Variants in FXR2 observed in about 807,000 individuals in gnomAD.
FXR2 encodes FMR1 autosomal homolog 2, also known as RNA-binding protein FXR2.
In FXR2, 9 loss-of-function variants were observed where a neutral mutation model predicts 87.3. That is an observed-to-expected ratio of 0.10 (90% CI 0.06 to 0.18). The LOEUF is 0.18. FXR2 is among the 10% of genes least tolerant of loss of function. The pLI, the probability that FXR2 is intolerant of heterozygous loss-of-function variation, is 1.00. For missense variants in FXR2, 661 were observed against 893.6 expected, an observed-to-expected ratio of 0.74 and a Z score of 3.32; for synonymous variants, 331 against 328.3, an observed-to-expected ratio of 1.01 and a Z score of -0.09.
At chr17:7,613,828 G>A (rs1442899656) in intron 1 of FXR2, 2 of 346,904 alleles carry the variant, frequency 5.8e-6, no homozygotes, top group Non-Finnish European at 1.1e-5. Flanking sequence ...TGCGAAAGAT[G>A]CCACCTTATG....
Position 7,603,787 on chromosome 17 carries a change from G to A in FXR2, c.419C>T (p.Thr140Ile). The change falls in exon 5 of 17, where the codon ACC (threonine) becomes ATC (isoleucine). Residue 140 changes from threonine to isoleucine, a missense_variant. Physicochemically the swap from Thr to Ile is moderately conservative, Grantham distance 89 (BLOSUM62 -1). Around this residue, in one of 3 missense-constraint regions of FXR2, gnomAD observed 170 missense variants for 247.2 expected, o/e 0.69. Transcript: ENST00000250113. ...LATKGSFFKV[T>I]MAVPEDLREA... ...TCTCAGATCCTCGGGCACAGCCATG[G>A]TAACCTTGAAGAAGCTGCCTTTGGT... The A allele has an allele frequency of 6.2e-7, 1 of 1,613,954 alleles. No homozygotes were observed. The highest frequency in any genetic ancestry group is 8.5e-7 in the Non-Finnish European group (1 of 1,179,880).
rs2150940020 is a variant in FXR2 at position 7,593,039 on chromosome 17, T to C, written c.1473A>G (p.Gly491=). The C allele has an allele frequency of 6.4e-7, 1 of 1,573,856 alleles. No individual in the cohort carries two copies. The highest frequency in any genetic ancestry group is 8.6e-7 in the Non-Finnish European group (1 of 1,163,524). Residue 491 remains glycine, a synonymous_variant, in exon 13 of 17, where the codon GGA becomes GGG. Transcript: ENST00000250113. The surrounding 1 kb of genome is among the most constrained non-coding windows in gnomAD (Gnocchi z 6.1). ...RRRPTGGRGR[G]PPPAPRPTSR... is the part of the protein sequence containing the mutation. ...AAGTGGGCCGGGGGGCAGGTGGGGG[T>C]CCCCTACCCCGGCCCCCAGTCGGCC...
intron 1 of FXR2, among the ~76,000 whole-genome samples, chr17:7,611,624 C>T (rs1015927364): frequency 5.9e-5 from 9 of 151,802 alleles, no homozygotes; most frequent in African/African-American, 1.5e-4. Flanking sequence ...GACGACATCA[C>T]GCCACTGTAC....
intron 1 of FXR2, among the ~76,000 whole-genome samples, chr17:7,607,486 G>A (rs2071812483): frequency 6.6e-6 from 1 of 151,982 alleles, no homozygotes; most frequent in Non-Finnish European, 1.5e-5. Flanking sequence ...GGAGTGTAAT[G>A]GCGCAATCTT....
chr17:7,593,702 G>A lies in FXR2; in HGVS notation c.1108-77C>T. ...TGCTTCATGCTTCTGCACCCTGACT[G>A]TCCCTCTATATCTAACCTCTCAGGA... is the stretch of plus-strand genomic sequence containing the variant. On this transcript the variant is annotated intron_variant, in intron 11 of 16. Coordinates refer to ENST00000250113, the MANE Select transcript of FXR2 (RefSeq NM_004860.4). The surrounding 1 kb of genome is among the most constrained non-coding windows in gnomAD (Gnocchi z 6.1). The A allele has an allele frequency of 2.0e-6, 2 of 1,023,562 alleles. No individual in the cohort carries two copies. The highest frequency in any genetic ancestry group is 3.0e-6 in the Non-Finnish European group (2 of 676,582). The allele number at this position is 1,023,562 out of a possible 1,614,324, so 63.4% of individuals were successfully genotyped here. A position where few individuals can be genotyped will look rare whatever the true frequency, so the allele number is the denominator to read the frequency against.
At chr17:7,612,717 C>T (rs916582888) in intron 1 of FXR2, among the ~76,000 whole-genome samples, 1 of 151,938 alleles carries the variant, frequency 6.6e-6, no homozygotes, top group African/African-American at 2.4e-5. Flanking sequence ...ACTACAATGG[C>T]CGGGCGCGGT....
Position 7,592,075 on chromosome 17 carries a change from G to T in FXR2, c.1927-150C>A. On this transcript the variant is annotated intron_variant, in intron 16 of 16. Transcript: ENST00000250113. This position sits in a 1 kb window ranked among gnomAD's most constrained non-coding sequence, Gnocchi z 4.8. Reference sequence around the variant, plus strand: ...TCATGATCCAGTCTCTCTTACTTGGGATCCAGAAAATGTGAACCACACTTT... The same window carrying T: ...TCATGATCCAGTCTCTCTTACTTGGTATCCAGAAAATGTGAACCACACTTT... 7.0e-7 allele frequency: 1 copy of T among 1,436,962 alleles called. No individual in the cohort carries two copies. Among genetic ancestry groups the T allele is most frequent in the Middle Eastern group, 1.8e-4 (1 of 5,418 alleles). 89.0% of individuals were successfully genotyped at this position (1,436,962 alleles called of 1,614,324 possible).
chr17:7,593,144 C>A lies in FXR2; in HGVS notation c.1368G>T (p.Glu456Asp). ...SSDVSTASET[E>D]SEKREEPNRA... ...GGTTGGGCTCCTCTCTCTTCTCTGA[C>A]TCAGTCTCTGAAGCTGTAGACACAT... The change falls in exon 13 of 17, where the codon GAG becomes GAT. Residue 456 changes from glutamate to aspartate, a missense_variant. Physicochemically the swap from Glu to Asp is conservative, Grantham distance 45. Coordinates refer to ENST00000250113, the MANE Select transcript of FXR2 (RefSeq NM_004860.4). The surrounding 1 kb of genome is among the most constrained non-coding windows in gnomAD (Gnocchi z 6.1). The A allele has an allele frequency of 6.4e-7, 1 of 1,552,418 alleles. No homozygotes were observed. The highest frequency in any genetic ancestry group is 1.2e-5 in the South Asian group (1 of 81,240).
At chr17:7,598,341 G>C (rs919531855) in intron 7 of FXR2, among the ~76,000 whole-genome samples, 1 of 152,146 alleles carries the variant, frequency 6.6e-6, no homozygotes, top group Admixed American at 6.5e-5. Flanking sequence ...TGTAGTCCCA[G>C]CTTCTCGTGA....
chr17:7,598,875 G>A (rs1042821633), intron 7 of FXR2, among the ~76,000 whole-genome samples: 5 of 152,066 alleles, frequency 3.3e-5, no homozygotes, highest in Admixed American at 3.3e-4. Flanking sequence ...GCCAGGTATA[G>A]TGGCTCATGC....
In FXR2 at chr17:7,606,077, C is replaced by T. The variant is rs370828271; in HGVS notation, c.134+20G>A. The T allele has an allele frequency of 5.4e-6, 8 of 1,474,604 alleles. No individual in the cohort carries two copies. The highest frequency in any genetic ancestry group is 7.4e-6 in the Non-Finnish European group (8 of 1,077,490). 91.3% of individuals were successfully genotyped at this position (1,474,604 alleles called of 1,614,324 possible). A position where few individuals can be genotyped will look rare whatever the true frequency, so the allele number is the denominator to read the frequency against. ...CTTCTAGGACCTAGTATGCTGGATT[C>T]TCTATTCCCAAGGTCTTACTTGTTT... On this transcript the variant is annotated intron_variant, in intron 2 of 16. Coordinates refer to ENST00000250113, the MANE Select transcript of FXR2 (RefSeq NM_004860.4).
In FXR2 at chr17:7,603,699, A is replaced by G; in HGVS notation, c.449+58T>C. On this transcript the variant is annotated intron_variant, in intron 5 of 16. Transcript: ENST00000250113. The stretch of plus-strand genomic sequence containing the variant: ...AGTGGGAGTGATGCCTGGGAGAAAT[A>G]AAGCCAGAGATTAGGGCTGTAAAGA... The G allele has an allele frequency of 1.9e-6, 3 of 1,553,430 alleles. No homozygotes were observed. In the East Asian group the frequency reaches 6.8e-5, roughly 35 times the overall value.
At chr17:7,611,174 G>A (rs573115320) in intron 1 of FXR2, among the ~76,000 whole-genome samples, 3 of 152,034 alleles carry the variant, frequency 2.0e-5, no homozygotes, top group Non-Finnish European at 2.9e-5. Flanking sequence ...CATTTTGTAC[G>A]TCTTAAGCCA....
At chr17:7,600,837 C>T (rs778595882) in intron 7 of FXR2, among the ~76,000 whole-genome samples, 15 of 150,372 alleles carry the variant, frequency 1.0e-4, no homozygotes, top group Non-Finnish European at 2.1e-4. Context: ...TCAGCTGAGA[C>T]TATACCATTA....
chr17:7,600,806 C>A (rs1054552144), intron 7 of FXR2, among the ~76,000 whole-genome samples: 6 of 151,616 alleles, frequency 4.0e-5, no homozygotes, highest in East Asian at 1.9e-4. Flanking sequence ...ATCGCTTGAA[C>A]CCAGAAGGTG....
chr17:7,593,033 TGGGGGTCCCCTACCCC>T lies in FXR2; in HGVS notation c.1463_1478del (p.Arg488HisfsTer19). The T allele has an allele frequency of 6.3e-7, 1 of 1,577,074 alleles. No homozygotes were observed. Among genetic ancestry groups the T allele is most frequent in the East Asian group, 2.2e-5 (1 of 44,558 alleles). The stretch of plus-strand genomic sequence containing the variant: ...ATCTCGAAGTGGGCCGGGGGGCAGG[TGGGGGTCCCCTACCCC>T]GGCCCCCAGTCGGCCGCCTCCGGCT... On this transcript the variant is annotated frameshift_variant, in exon 13 of 17. Transcript: ENST00000250113. LOFTEE classifies it high-confidence loss of function. The surrounding 1 kb of genome is among the most constrained non-coding windows in gnomAD (Gnocchi z 6.1).
chr17:7,613,842 G>A (rs544053625), intron 1 of FXR2: 1 of 349,340 alleles, frequency 2.9e-6, no homozygotes, highest in East Asian at 7.4e-5. Context: ...CCTTATGGCT[G>A]GCTGGGAAGC....
intron 7 of FXR2, among the ~76,000 whole-genome samples, chr17:7,597,580 T>A (rs1022167400): frequency 2.6e-5 from 4 of 152,032 alleles, no homozygotes; most frequent in Admixed American, 2.6e-4. Flanking sequence ...TCCCTTTTTT[T>A]GTATTTTTAG....
At chr17:7,596,282 T>A in intron 7 of FXR2, 1 of 257,952 alleles carries the variant, frequency 3.9e-6, no homozygotes, top group Non-Finnish European at 7.6e-6. Flanking sequence ...CTCGGCCTCC[T>A]GAGTAGCTAC....
Sources: gnomAD v4.1 joint callset for allele counts (sites outside exome capture counted in the v4.1 genomes callset) on GRCh38, gnomAD v4.1.1 for gene constraint, gnomAD v4.1.1 regional missense constraint, Gnocchi (gnomAD v3.1) non-coding constraint, MANE v1.5 for transcripts, NCBI Gene and HGNC (gene_info 2026-07-23, HGNC 2026-07-21) for gene names.